The following RBFOX1 variants were observed in gnomAD, a reference collection of about 807,000 sequenced individuals.
The protein encoded by RBFOX1 is RNA binding fox-1 homolog 1.
Under a neutral mutation model 57.7 loss-of-function variants are expected in RBFOX1, and 8 were observed. The ratio of observed to expected loss-of-function variants is 0.14; its 90% CI spans 0.08 to 0.25. The LOEUF (loss-of-function observed/expected upper bound fraction) is 0.25. Ranked by LOEUF, RBFOX1 falls within the 10% of genes least tolerant of loss-of-function variation. RBFOX1 has a pLI of 1.00. For synonymous variants in RBFOX1, 326 were observed against 222.4 expected (o/e 1.47, Z -4.15); for missense variants, 611 against 548.5 (o/e 1.11, Z -1.14).
chr16:6,877,203 C>G (rs1358058374), intron 3 of RBFOX1, among the ~76,000 whole-genome samples: 1 of 152,152 alleles, frequency 6.6e-6, no homozygotes, highest in African/African-American at 2.4e-5. Context: ...TTAAAAAGTG[C>G]ATTTAACATT....
At chr16:6,395,369 T>C (rs1431390756) in intron 2 of RBFOX1, among the ~76,000 whole-genome samples, 4 of 152,210 alleles carry the variant, frequency 2.6e-5, no homozygotes, top group African/African-American at 9.6e-5. Flanking sequence ...CTTCTTAGTC[T>C]TTTATCCATG....
At chr16:7,025,479 T>C (rs914571617) in intron 3 of RBFOX1, among the ~76,000 whole-genome samples, 4 of 152,154 alleles carry the variant, frequency 2.6e-5, no homozygotes, top group African/African-American at 9.7e-5. Context: ...TCCTAGTAGG[T>C]CTCAGCCTTG....
intron 3 of RBFOX1, among the ~76,000 whole-genome samples, chr16:6,899,345 T>C (rs2067878332): frequency 6.6e-6 from 1 of 152,218 alleles, no homozygotes; most frequent in African/African-American, 2.4e-5. Context: ...CATTTTCTAT[T>C]TAGCATCAGG....
chr16:7,155,738 TACACACACACACACACACACAC>T (rs138509367), intron 4 of RBFOX1, among the ~76,000 whole-genome samples: 1 of 75,528 alleles, frequency 1.3e-5, no homozygotes, highest in African/African-American at 6.1e-5. Context: ...TATATATATA[TACACACACACACACACACACAC>T]ACACATATAT....
At chr16:6,800,402 C>G (rs1390231850) in intron 3 of RBFOX1, among the ~76,000 whole-genome samples, 1 of 152,098 alleles carries the variant, frequency 6.6e-6, no homozygotes, top group African/African-American at 2.4e-5. Context: ...GATAGTGCTT[C>G]TCACTCTTTA....
In RBFOX1 at chr16:5,945,101, C is replaced by T. The variant is rs138990211; in HGVS notation, c.351+77766C>T. Among the ~76,000 whole-genome samples the T allele has an allele frequency of 1.0e-3, 158 of 151,950 alleles. 1 individual carries two copies. The highest frequency in any genetic ancestry group is 1.3e-3 in the Non-Finnish European group (88 of 67,974). On this transcript the variant is annotated intron_variant, in intron 4 of 19. Coordinates refer to the RBFOX1 transcript ENST00000641259. ...GTTTAAGGGCTGTGAAATGGACTGC[C>T]GGGCACTCCCTGGTGCACATCCATC...
intron 3 of RBFOX1, among the ~76,000 whole-genome samples, chr16:5,641,179 G>A (rs1002860615): frequency 3.4e-5 from 5 of 147,492 alleles, no homozygotes; most frequent in Non-Finnish European, 6.0e-5. Flanking sequence ...GCACACCATG[G>A]ATACACACAG....
intron 4 of RBFOX1, among the ~76,000 whole-genome samples, chr16:7,460,420 T>C (rs1226985780): frequency 1.5e-5 from 1 of 67,542 alleles, no homozygotes; most frequent in African/African-American, 3.7e-5. Flanking sequence ...TGTGTGTGTA[T>C]ATACATATGT....
At chr16:5,993,380 T>TGA (rs1377336508) in intron 4 of RBFOX1, among the ~76,000 whole-genome samples, 3 of 27,812 alleles carry the variant, frequency 1.1e-4, no homozygotes, top group African/African-American at 4.9e-4. Context: ...TGTGTGTGTG[T>TGA]GTGTGAGAGA....
At chr16:5,359,204 C>G (rs2065475353) in intron 1 of RBFOX1, among the ~76,000 whole-genome samples, 1 of 152,158 alleles carries the variant, frequency 6.6e-6, no homozygotes, top group African/African-American at 2.4e-5. Flanking sequence ...TTTTCTTTAT[C>G]CATTCATCTG....
At chr16:7,698,754 G>A (rs548447973) in intron 14 of RBFOX1, among the ~76,000 whole-genome samples, 30 of 152,234 alleles carry the variant, frequency 2.0e-4, no homozygotes, top group Admixed American at 4.6e-4. Context: ...AATAGGGAAA[G>A]TACAGGGAGC....
At chr16:6,817,965 G>C (rs1176285680) in intron 3 of RBFOX1, among the ~76,000 whole-genome samples, 1 of 152,092 alleles carries the variant, frequency 6.6e-6, no homozygotes, top group Non-Finnish European at 1.5e-5. Context: ...GAGATGATCT[G>C]GTTTTAAACG....
chr16:5,394,748 C>T (rs1404998853), intron 1 of RBFOX1, among the ~76,000 whole-genome samples: 2 of 152,044 alleles, frequency 1.3e-5, no homozygotes, highest in Non-Finnish European at 2.9e-5. Flanking sequence ...GGGGTCTCAC[C>T]ATGTTGTCCA....
intron 3 of RBFOX1, among the ~76,000 whole-genome samples, chr16:6,772,648 G>C (rs982510229): frequency 1.3e-5 from 2 of 151,376 alleles, no homozygotes; most frequent in East Asian, 3.9e-4. Context: ...GCATTTGTGT[G>C]TGTGTGTGTG....
chr16:7,703,807 G>C (rs1003920226), intron 14 of RBFOX1, among the ~76,000 whole-genome samples: 1 of 152,142 alleles, frequency 6.6e-6, no homozygotes, highest in Non-Finnish European at 1.5e-5. Context: ...ATATCCATTT[G>C]AACTACATCT....
chr16:6,971,909 G>A (rs2085638227), intron 3 of RBFOX1, among the ~76,000 whole-genome samples: 1 of 152,122 alleles, frequency 6.6e-6, no homozygotes, highest in Non-Finnish European at 1.5e-5. Flanking sequence ...CCTCAGTGGG[G>A]TGGTGAGATG....
intron 4 of RBFOX1, among the ~76,000 whole-genome samples, chr16:7,110,072 CTG>C (rs911036412): frequency 6.6e-6 from 1 of 151,554 alleles, no homozygotes; most frequent in African/African-American, 2.4e-5. Context: ...CTAAGAATCT[CTG>C]TGTGGTGGCT....
intron 2 of RBFOX1, among the ~76,000 whole-genome samples, chr16:6,500,626 A>G (rs995161286): frequency 5.3e-5 from 8 of 152,154 alleles, no homozygotes; most frequent in Admixed American, 1.3e-4. Flanking sequence ...TGAAGAGGCA[A>G]TTGAAGTACA....
chr16:5,908,426 C>G (rs1396325369), intron 4 of RBFOX1, among the ~76,000 whole-genome samples: 2 of 151,668 alleles, frequency 1.3e-5, no homozygotes, highest in Non-Finnish European at 2.9e-5. Context: ...GATCTTGGCT[C>G]ACTACATCCT....
Sources: gnomAD v4.1 joint callset for allele counts (sites outside exome capture counted in the v4.1 genomes callset) on GRCh38, gnomAD v4.1.1 for gene constraint, MANE v1.5 for transcripts, NCBI Gene and HGNC (gene_info 2026-07-23, HGNC 2026-07-21) for gene names.